DLC1: variants seen among roughly 807,000 people sequenced by gnomAD.
DLC1 encodes the protein DLC1 Rho GTPase activating protein.
In DLC1, 54 loss-of-function variants were observed where a neutral mutation model predicts 140.3. The observed-to-expected ratio is 0.38, with a 90% confidence interval of 0.31 to 0.48. The LOEUF (loss-of-function observed/expected upper bound fraction) is 0.48, where lower values mean the gene tolerates loss of function less well. Ranked by LOEUF, DLC1 falls within the 20% of genes least tolerant of loss-of-function variation. DLC1 has a pLI of 0.96. For synonymous variants in DLC1, 986 were observed against 728.1 expected, an observed-to-expected ratio of 1.35 and a Z score of -5.70; for missense variants, 2,536 against 1,907.0, an observed-to-expected ratio of 1.33 and a Z score of -6.14.
At chr8:13,593,674 T>C (rs1374875550) in intron 1 of DLC1, among the ~76,000 whole-genome samples, 1 of 152,124 alleles carries the variant, frequency 6.6e-6, no homozygotes, top group African/African-American at 2.4e-5. Flanking sequence ...CATACAGAAT[T>C]GGTACCTAAA....
chr8:13,277,155 A>C (rs2117408984), intron 5 of DLC1, among the ~76,000 whole-genome samples: 1 of 152,160 alleles, frequency 6.6e-6, no homozygotes, highest in South Asian at 2.1e-4. Flanking sequence ...CCCCACCCCT[A>C]CAAGAAATTA....
At chr8:13,590,900 A>T (rs1403069901) in intron 1 of DLC1, among the ~76,000 whole-genome samples, 1 of 152,158 alleles carries the variant, frequency 6.6e-6, no homozygotes, top group African/African-American at 2.4e-5. Context: ...TCTAAAAGCG[A>T]TACTCTCAGA....
intron 5 of DLC1, among the ~76,000 whole-genome samples, chr8:13,265,249 G>C (rs767121475): frequency 1.3e-5 from 2 of 152,088 alleles, no homozygotes; most frequent in Non-Finnish European, 2.9e-5. Context: ...AGAGAAATAT[G>C]GAACAGGGCG....
intron 5 of DLC1, among the ~76,000 whole-genome samples, chr8:13,246,979 CTGAG>C (rs1585997344): frequency 6.6e-6 from 1 of 152,160 alleles, no homozygotes; most frequent in African/African-American, 2.4e-5. Flanking sequence ...AAAACCCAGA[CTGAG>C]TGTCTCTCTT....
intron 5 of DLC1, among the ~76,000 whole-genome samples, chr8:13,178,475 G>A (rs1436005620): frequency 6.6e-6 from 1 of 151,724 alleles, no homozygotes; most frequent in African/African-American, 2.4e-5. Context: ...AGGAGGCTGA[G>A]GCAGGAGAAT....
chr8:13,464,760 A>ATTTATTATTAT (rs1563370419), intron 2 of DLC1, among the ~76,000 whole-genome samples: 6 of 61,576 alleles, frequency 9.7e-5, no homozygotes, highest in African/African-American at 3.4e-4. Flanking sequence ...ATATATATAT[A>ATTTATTATTAT]TATATTTATA....
intron 10 of DLC1, among the ~76,000 whole-genome samples, chr8:13,098,095 C>T (rs1471597635): frequency 6.6e-6 from 1 of 150,744 alleles, no homozygotes; most frequent in African/African-American, 2.4e-5. Flanking sequence ...TGTAGTCCCA[C>T]CTACTCAGGA....
At chr8:13,113,868 A>G (rs77991167) in intron 6 of DLC1, among the ~76,000 whole-genome samples, 3,655 of 152,342 alleles carry the variant, frequency 0.024, 151 homozygotes, top group African/African-American at 0.084. Context: ...ACAATAAAAC[A>G]ATTCAGAATC....
rs1799311607 is a variant in DLC1 at position 13,454,744 on chromosome 8, G to GCGT, written c.1023+44302_1023+44304dup. ...TAATTTTTTAATTTTTGTAGAGACA[G>GCGT]CGTCTCCTTATGTTGCCCAGGCTGG... is the stretch of plus-strand genomic sequence containing the variant. On this transcript the variant is annotated intron_variant, in intron 2 of 17. Transcript: ENST00000276297. Among the ~76,000 whole-genome samples the GCGT allele has an allele frequency of 3.9e-5, 6 of 152,264 alleles. No homozygotes were observed. In the South Asian group the frequency reaches 1.2e-3, roughly 32 times the overall value.
At chr8:13,440,282 T>G (rs1049184510) in intron 2 of DLC1, among the ~76,000 whole-genome samples, 1 of 152,228 alleles carries the variant, frequency 6.6e-6, no homozygotes, top group Non-Finnish European at 1.5e-5. Flanking sequence ...TAAAAGTGAT[T>G]TAATGGTCTC....
chr8:13,176,461 C>T (rs1325192620), intron 5 of DLC1, among the ~76,000 whole-genome samples: 2 of 152,136 alleles, frequency 1.3e-5, no homozygotes, highest in Non-Finnish European at 2.9e-5. Context: ...TGCCTGTAGT[C>T]CCAGCTACTC....
At chr8:13,485,550 G>A (rs1030023765) in intron 2 of DLC1, among the ~76,000 whole-genome samples, 1 of 152,208 alleles carries the variant, frequency 6.6e-6, no homozygotes, top group Non-Finnish European at 1.5e-5. Context: ...TTGGGCAGCA[G>A]TTTGTATGCA....
chr8:13,188,777 ATGTGTG>A (rs201849073), intron 5 of DLC1, among the ~76,000 whole-genome samples: 16 of 108,900 alleles, frequency 1.5e-4, no homozygotes, highest in Admixed American at 3.7e-4. Context: ...TGCCCAGCTA[ATGTGTG>A]TGTGTGTGTG....
At chr8:13,444,210 A>C (rs918723594) in intron 2 of DLC1, among the ~76,000 whole-genome samples, 3 of 152,136 alleles carry the variant, frequency 2.0e-5, no homozygotes, top group African/African-American at 7.2e-5. Context: ...ACAGACAACC[A>C]AATACCTCAT....
intron 5 of DLC1, among the ~76,000 whole-genome samples, chr8:13,217,183 T>C (rs1228748308): frequency 6.6e-6 from 1 of 152,228 alleles, no homozygotes; most frequent in Non-Finnish European, 1.5e-5. Flanking sequence ...ACTATTTGTA[T>C]AGCTGTGAGA....
intron 5 of DLC1, among the ~76,000 whole-genome samples, chr8:13,202,159 T>C (rs1365714571): frequency 6.6e-6 from 1 of 152,098 alleles, no homozygotes; most frequent in African/African-American, 2.4e-5. Context: ...TCGGCCAGGA[T>C]GGTCTTGATC....
At chr8:13,192,687 CT>C (rs1563153201) in intron 5 of DLC1, among the ~76,000 whole-genome samples, 2 of 152,238 alleles carry the variant, frequency 1.3e-5, no homozygotes, top group South Asian at 4.1e-4. Flanking sequence ...GAGATAAGGT[CT>C]TTAAAGAGGT....
At chr8:13,305,324 T>C (rs764066391) in intron 4 of DLC1, 22 bp from the exon 5 acceptor site, 2 of 1,577,762 alleles carry the variant, frequency 1.3e-6, no homozygotes, top group East Asian at 2.3e-5. Context: ...GACACAAAAA[T>C]TGTGGTATTA....
chr8:13,541,819 G>A (rs1005181746), intron 1 of DLC1, among the ~76,000 whole-genome samples: 2 of 152,182 alleles, frequency 1.3e-5, no homozygotes, highest in African/African-American at 2.4e-5. Flanking sequence ...AAAGTGCTGG[G>A]ATTACAGGCA....
Sources: gnomAD v4.1 joint callset for allele counts (sites outside exome capture counted in the v4.1 genomes callset) on GRCh38, gnomAD v4.1.1 for gene constraint, MANE v1.5 for transcripts, NCBI Gene and HGNC (gene_info 2026-07-23, HGNC 2026-07-21) for gene names.